Variants in PTPRD observed in about 807,000 individuals in gnomAD.
PTPRD encodes protein tyrosine phosphatase receptor type D.
PTPRD carries 34 observed loss-of-function variants against 214.5 expected under a neutral mutation model. The observed-to-expected ratio is 0.16, with a 90% CI of 0.12 to 0.21. The LOEUF (loss-of-function observed/expected upper bound fraction) is 0.21, where lower values mean the gene tolerates loss of function less well. Among genes scored for constraint, PTPRD ranks in the 10% least tolerant of loss-of-function variants. The pLI, the probability that PTPRD is intolerant of heterozygous loss-of-function variation, is 1.00. For synonymous variants in PTPRD, 1,128 were observed against 845.7 expected, an observed-to-expected ratio of 1.33 and a Z score of -5.79; for missense variants, 2,545 against 2,398.7, an observed-to-expected ratio of 1.06 and a Z score of -1.27.
At chr9:10,305,343 A>T (rs1384934983) in intron 3 of PTPRD, among the ~76,000 whole-genome samples, 1 of 148,172 alleles carries the variant, frequency 6.7e-6, no homozygotes, top group Non-Finnish European at 1.5e-5. Flanking sequence ...GGACATAGGC[A>T]TGGGCAAAGA....
chr9:9,363,111 C>CTT lies in PTPRD; in HGVS notation c.-203+34336_-203+34337dup, dbSNP rs3048061. 2.2e-3 allele frequency among the ~76,000 whole-genome samples: 285 copies of CTT among 129,830 alleles called. 5 individuals carry two copies. Among genetic ancestry groups the CTT allele is most frequent in the African/African-American group, 7.2e-3 (257 of 35,458 alleles). The allele number at this position is 129,830 out of a possible 152,430, so 85.2% of individuals were successfully genotyped here. On this transcript the variant is annotated intron_variant, in intron 9 of 45. Transcript: ENST00000381196. ...ATCAGGAAATCAGTACTATTTTGTG[C>CTT]TTTTTTTTTTTTTTTTTTTAACTGT...
At chr9:9,627,564 TA>T (rs1335172838) in intron 7 of PTPRD, among the ~76,000 whole-genome samples, 5 of 152,140 alleles carry the variant, frequency 3.3e-5, no homozygotes, top group African/African-American at 1.2e-4. Context: ...GAGGGTGAGG[TA>T]ACGATAAAGT....
intron 10 of PTPRD, among the ~76,000 whole-genome samples, chr9:9,084,253 G>A (rs903838342): frequency 6.6e-6 from 1 of 152,106 alleles, no homozygotes; most frequent in African/African-American, 2.4e-5. Context: ...CCCTTTGCAG[G>A]GACATGGATG....
intron 8 of PTPRD, among the ~76,000 whole-genome samples, chr9:9,490,573 A>G (rs1349337781): frequency 1.3e-5 from 2 of 152,076 alleles, no homozygotes; most frequent in East Asian, 3.8e-4. Context: ...AAATTTTGTT[A>G]TATCAACAAC....
intron 12 of PTPRD, among the ~76,000 whole-genome samples, chr9:8,727,407 C>A (rs897051585): frequency 1.3e-5 from 2 of 152,156 alleles, no homozygotes; most frequent in African/African-American, 4.8e-5. Context: ...TTCCTTGCTT[C>A]AGACAGCTGG....
At chr9:9,262,801 T>C (rs1441372158) in intron 9 of PTPRD, among the ~76,000 whole-genome samples, 1 of 151,664 alleles carries the variant, frequency 6.6e-6, no homozygotes, top group African/African-American at 2.4e-5. Context: ...TTAATTTGCA[T>C]CATTGACTTA....
intron 7 of PTPRD, among the ~76,000 whole-genome samples, chr9:9,679,108 G>C (rs1368030219): frequency 8.4e-6 from 1 of 119,674 alleles, no homozygotes; most frequent in East Asian, 2.4e-4. Context: ...TGGTAATTAG[G>C]TTGAAAAAGG....
chr9:10,359,303 C>G lies in PTPRD; in HGVS notation c.-599-18286G>C, dbSNP rs996035724. ...AAAGTAATACATATATGATTATAAG[C>G]CATGTAGTAAAGAAGAGCTTATAAT... is the stretch of plus-strand genomic sequence containing the variant. On this transcript the variant is annotated intron_variant, in intron 2 of 45. Coordinates refer to ENST00000381196, the MANE Select transcript of PTPRD (RefSeq NM_002839.4). 5.3e-5 allele frequency among the ~76,000 whole-genome samples: 8 copies of G among 151,926 alleles called. No homozygotes were observed. The East Asian group carries it at 1.5e-3, about 29-fold the overall frequency.
intron 8 of PTPRD, among the ~76,000 whole-genome samples, chr9:9,493,136 T>A (rs1356173203): frequency 2.6e-5 from 4 of 151,838 alleles, no homozygotes; most frequent in Non-Finnish European, 5.9e-5. Flanking sequence ...CATCTCTCAC[T>A]GTAAATAAAG....
intron 7 of PTPRD, among the ~76,000 whole-genome samples, chr9:9,716,942 T>C (rs2154429692): frequency 6.6e-6 from 1 of 152,352 alleles, no homozygotes; most frequent in African/African-American, 2.4e-5. Flanking sequence ...ATGTCCTGAA[T>C]GGTAATGCCT....
chr9:10,442,864 C>T (rs1445150859), intron 2 of PTPRD, among the ~76,000 whole-genome samples: 4 of 151,418 alleles, frequency 2.6e-5, no homozygotes, highest in Non-Finnish European at 4.4e-5. Flanking sequence ...TACAGTATGG[C>T]AGCCACCCTA....
intron 3 of PTPRD, among the ~76,000 whole-genome samples, chr9:10,215,915 T>A (rs1351036967): frequency 6.6e-6 from 1 of 152,012 alleles, no homozygotes; most frequent in East Asian, 1.9e-4. Context: ...CTGGGGATGC[T>A]GCTAGACAAC....
intron 4 of PTPRD, among the ~76,000 whole-genome samples, chr9:10,017,719 GTTC>G (rs1041045499): frequency 1.1e-4 from 17 of 151,902 alleles, no homozygotes; most frequent in African/African-American, 4.1e-4. Context: ...TCTGTATTCT[GTTC>G]TTTACTTATT....
chr9:8,633,643 G>A lies in PTPRD; in HGVS notation c.211-185C>T, dbSNP rs576653198. Among the ~76,000 whole-genome samples the A allele has an allele frequency of 5.3e-5, 8 of 152,174 alleles. No homozygotes were observed. In the South Asian group the frequency reaches 1.7e-3, roughly 32 times the overall value. ...ATTTAGTGAATCTTCTACTGAACAA[G>A]GAGAAAGATATGCAACTACATATGC... is the stretch of plus-strand genomic sequence containing the variant. On this transcript the variant is annotated intron_variant, in intron 13 of 45. Coordinates refer to ENST00000381196, the MANE Select transcript of PTPRD (RefSeq NM_002839.4).
intron 2 of PTPRD, among the ~76,000 whole-genome samples, chr9:10,579,812 G>A (rs754310540): frequency 1.3e-5 from 2 of 152,122 alleles, no homozygotes; most frequent in African/African-American, 2.4e-5. Context: ...TAACTGGTGT[G>A]AGATAATTCT....
At chr9:9,689,145 A>T (rs1048255257) in intron 7 of PTPRD, among the ~76,000 whole-genome samples, 2 of 151,868 alleles carry the variant, frequency 1.3e-5, no homozygotes, top group Non-Finnish European at 2.9e-5. Context: ...GTATAACGAT[A>T]AAAATTATGG....
At chr9:9,819,045 A>AGATACTGT (rs1366427567) in intron 5 of PTPRD, among the ~76,000 whole-genome samples, 33 of 151,980 alleles carry the variant, frequency 2.2e-4, no homozygotes, top group African/African-American at 7.7e-4. Context: ...CTTGATCCTG[A>AGATACTGT]GATACTGTCG....
rs36007156 is a variant in PTPRD at position 8,581,913 on chromosome 9, C to CAAA, written c.352+51401_352+51403dup. Among the ~76,000 whole-genome samples, 338 of 34,924 alleles carry CAAA rather than the reference C, an allele frequency of 9.7e-3. 16 individuals carry two copies. Among genetic ancestry groups the CAAA allele is most frequent in the East Asian group, 0.074 (35 of 476 alleles). The allele number at this position is 34,924 out of a possible 152,430, so 22.9% of individuals were successfully genotyped here. ...GGATGACAGAGCATGACTCAATCTCCAAAAAAAAAAAAAAAAAAAAAAAAA... is the reference window on the plus strand; with the variant it reads ...GGATGACAGAGCATGACTCAATCTCCAAAAAAAAAAAAAAAAAAAAAAAAAAAA... On this transcript the variant is annotated intron_variant, in intron 14 of 45. Transcript: ENST00000381196.
chr9:8,485,093 G>A (rs2096970835), intron 29 of PTPRD, 134 bp downstream of exon 29: 2 of 678,074 alleles, frequency 2.9e-6, no homozygotes, highest in East Asian at 2.7e-5. Context: ...TCTCCCATGT[G>A]AAAGTCACAA....
Sources: allele counts gnomAD v4.1 joint callset (sites outside exome capture counted in the v4.1 genomes callset), GRCh38; gene constraint gnomAD v4.1.1; transcripts MANE v1.5; gene names NCBI Gene and HGNC (gene_info 2026-07-23, HGNC 2026-07-21).